The following STXBP6 variants were observed in gnomAD, a reference collection of about 807,000 sequenced individuals.
STXBP6 encodes syntaxin-binding protein 6.
A neutral mutation model predicts 26.9 loss-of-function variants in STXBP6; 21 were observed. The observed-to-expected ratio is 0.78, with a 90% confidence interval of 0.55 to 1.12. The LOEUF is 1.12. Ranked by LOEUF, STXBP6 falls within the 50% of genes most tolerant of loss-of-function variation. The pLI is 0.00. For synonymous variants in STXBP6, 97 were observed against 92.6 expected, an observed-to-expected ratio of 1.05 and a Z score of -0.27; for missense variants, 232 against 257.9, an observed-to-expected ratio of 0.90 and a Z score of 0.69.
At chr14:24,915,855 T>C (rs550724870) in intron 2 of STXBP6, among the ~76,000 whole-genome samples, 11 of 152,132 alleles carry the variant, frequency 7.2e-5, no homozygotes, top group Non-Finnish European at 1.2e-4. Flanking sequence ...TAAAAGAAAA[T>C]TGCAATGATT....
intron 4 of STXBP6, among the ~76,000 whole-genome samples, chr14:24,845,226 A>C (rs2068920384): frequency 1.3e-5 from 2 of 152,084 alleles, no homozygotes; most frequent in South Asian, 4.2e-4. Context: ...GTTAGCCAGG[A>C]TGGTCTCGAT....
At chr14:24,867,251 C>A (rs1258876566) in intron 2 of STXBP6, among the ~76,000 whole-genome samples, 1 of 152,146 alleles carries the variant, frequency 6.6e-6, no homozygotes, top group Non-Finnish European at 1.5e-5. Context: ...CATCAAGGCA[C>A]TATCTTGGAA....
intron 2 of STXBP6, among the ~76,000 whole-genome samples, chr14:24,868,689 A>T (rs572504797): frequency 1.4e-4 from 21 of 152,302 alleles, no homozygotes; most frequent in Middle Eastern, 3.4e-3. Context: ...CAGGTCAAAG[A>T]GGTCATGGCA....
intron 1 of STXBP6, among the ~76,000 whole-genome samples, chr14:25,008,555 T>C (rs994895531): frequency 6.6e-5 from 10 of 152,338 alleles, no homozygotes; most frequent in Admixed American, 2.6e-4. Flanking sequence ...CACTGAATGT[T>C]ATAATTAATT....
rs900684249 is a variant in STXBP6, at chr14:24,836,827, T to A, written c.452-17633A>T. 5.3e-5 allele frequency among the ~76,000 whole-genome samples: 8 copies of A among 152,308 alleles called. 2 individuals carry two copies. Among genetic ancestry groups the A allele is most frequent in the Admixed American group, 3.9e-4 (6 of 15,298 alleles). On this transcript the variant is annotated intron_variant, in intron 4 of 5. Transcript: ENST00000323944. Reference sequence around the variant, plus strand: ...AAAATCCTGCTTCAAGTAAGATTTTTCATGACTCTAATTAAGCACTTTTAC... The same window carrying A: ...AAAATCCTGCTTCAAGTAAGATTTTACATGACTCTAATTAAGCACTTTTAC...
intron 2 of STXBP6, among the ~76,000 whole-genome samples, chr14:24,865,506 C>T (rs1244418625): frequency 6.6e-6 from 1 of 152,092 alleles, no homozygotes; most frequent in African/African-American, 2.4e-5. Flanking sequence ...AGAGATTTGC[C>T]TATGACAATT....
intron 2 of STXBP6, among the ~76,000 whole-genome samples, chr14:24,965,568 C>T (rs2073709143): frequency 6.6e-6 from 1 of 152,052 alleles, no homozygotes; most frequent in South Asian, 2.1e-4. Flanking sequence ...TGAATACCTT[C>T]CACATATCAT....
chr14:25,046,286 G>A (rs2140524591), intron 1 of STXBP6, among the ~76,000 whole-genome samples: 1 of 152,270 alleles, frequency 6.6e-6, no homozygotes, highest in African/African-American at 2.4e-5. Context: ...ATACTAAGTG[G>A]GAAAAACCAT....
intron 2 of STXBP6, among the ~76,000 whole-genome samples, chr14:24,941,757 C>A (rs895107916): frequency 1.3e-5 from 2 of 152,346 alleles, no homozygotes; most frequent in South Asian, 2.1e-4. Flanking sequence ...CTTTGGACCT[C>A]TTTCTTCTTT....
chr14:24,949,630 G>A (rs955988675), intron 2 of STXBP6, among the ~76,000 whole-genome samples: 1 of 152,108 alleles, frequency 6.6e-6, no homozygotes, highest in South Asian at 2.1e-4. Context: ...CCTTTAATCT[G>A]GCCAAAATCT....
At chr14:24,928,945 C>A (rs1162415878) in intron 2 of STXBP6, among the ~76,000 whole-genome samples, 2 of 143,094 alleles carry the variant, frequency 1.4e-5, no homozygotes, top group African/African-American at 5.4e-5. Context: ...CCAACACAGG[C>A]ACTAGATTAA....
intron 1 of STXBP6, among the ~76,000 whole-genome samples, chr14:25,027,702 T>C (rs184606451): frequency 4.1e-4 from 62 of 152,368 alleles, no homozygotes; most frequent in Non-Finnish European, 8.2e-4. Context: ...TTACGCTTAG[T>C]GAAGAAAGCA....
At chr14:24,977,284 A>C (rs1389915288) in intron 1 of STXBP6, among the ~76,000 whole-genome samples, 3 of 152,206 alleles carry the variant, frequency 2.0e-5, no homozygotes, top group Non-Finnish European at 4.4e-5. Flanking sequence ...TTTATCATAT[A>C]AAATCTGTCA....
intron 1 of STXBP6, among the ~76,000 whole-genome samples, chr14:25,000,967 G>C (rs1017816473): frequency 5.9e-5 from 9 of 151,970 alleles, no homozygotes; most frequent in African/African-American, 1.7e-4. Context: ...CATTTGGAAG[G>C]CTCCTGCTTG....
At chr14:24,856,970 T>C (rs1176642792) in intron 3 of STXBP6, 57 bp downstream of exon 3, 3 of 1,588,360 alleles carry the variant, frequency 1.9e-6, no homozygotes, top group Admixed American at 3.4e-5. Context: ...CCAAGGTCAA[T>C]CAGAGAGTCA....
intron 2 of STXBP6, among the ~76,000 whole-genome samples, chr14:24,865,685 T>C (rs142316612): frequency 1.1e-4 from 16 of 152,242 alleles, no homozygotes; most frequent in African/African-American, 3.6e-4. Flanking sequence ...GGGCACTGAG[T>C]AGAATACAGA....
intron 1 of STXBP6, among the ~76,000 whole-genome samples, chr14:25,009,194 G>A (rs79896605): frequency 0.061 from 9,244 of 152,220 alleles, 327 homozygotes; most frequent in Middle Eastern, 0.088. Flanking sequence ...AGTTAAGGAC[G>A]TCTTAAAGCA....
chr14:24,812,835 A>C, intron 5 of STXBP6, 103 bp from the exon 6 acceptor site: 1 of 1,119,512 alleles, frequency 8.9e-7, no homozygotes, highest in East Asian at 2.4e-5. Context: ...GAGAAGCAGC[A>C]CCAAGATTCT....
chr14:24,859,915 T>C (rs2069472561), intron 2 of STXBP6, among the ~76,000 whole-genome samples: 1 of 152,190 alleles, frequency 6.6e-6, no homozygotes, highest in Non-Finnish European at 1.5e-5. Context: ...GGCAGAAGCA[T>C]GGGGGCAACC....
Sources: gnomAD v4.1 joint callset for allele counts (sites outside exome capture counted in the v4.1 genomes callset) on GRCh38, gnomAD v4.1.1 for gene constraint, MANE v1.5 for transcripts, NCBI Gene and HGNC (gene_info 2026-07-23, HGNC 2026-07-21) for gene names.